Variants in TMEM117 observed in about 807,000 individuals in gnomAD.
TMEM117 encodes transmembrane protein 117.
A neutral mutation model predicts 52.4 loss-of-function variants in TMEM117; 27 were observed. That is an observed-to-expected ratio of 0.51 (90% confidence interval 0.38 to 0.71). TMEM117 has a LOEUF of 0.71. Among genes scored for constraint, TMEM117 ranks in the 30% least tolerant of loss-of-function variants. The pLI, the probability that TMEM117 is intolerant of heterozygous loss-of-function variation, is 0.00. For missense variants in TMEM117, 556 were observed against 630.5 expected (o/e 0.88, Z 1.26); for synonymous variants, 215 against 206.3 (o/e 1.04, Z -0.36).
the TMEM117 span, among the ~76,000 whole-genome samples, chr12:43,827,957 C>T: frequency 2.0e-5 from 3 of 152,060 alleles, no homozygotes; most frequent in African/African-American, 7.3e-5. Flanking sequence ...TGGAGTGATG[C>T]GTCTGCAAGT....
the TMEM117 span, among the ~76,000 whole-genome samples, chr12:43,826,683 T>G: frequency 6.6e-6 from 1 of 152,198 alleles, no homozygotes; most frequent in Non-Finnish European, 1.5e-5. Flanking sequence ...CCTTACTTTA[T>G]AGACTTGGAA....
intron 6 of TMEM117, among the ~76,000 whole-genome samples, chr12:44,366,381 T>C (rs1312383254): frequency 2.0e-5 from 3 of 152,074 alleles, no homozygotes; most frequent in African/African-American, 4.8e-5. Context: ...AGGAAAGTAA[T>C]GTATTTTAGA....
chr12:43,882,770 A>T (rs1302516484), intron 2 of TMEM117, among the ~76,000 whole-genome samples: 1 of 152,232 alleles, frequency 6.6e-6, no homozygotes, highest in Non-Finnish European at 1.5e-5. Flanking sequence ...TTCTGGTGGT[A>T]TATACTGAAC....
chr12:44,171,361 A>C (rs1204071082), intron 4 of TMEM117, among the ~76,000 whole-genome samples: 1 of 152,162 alleles, frequency 6.6e-6, no homozygotes, highest in Non-Finnish European at 1.5e-5. Flanking sequence ...ACTTACACAA[A>C]TATCCTATTT....
At chr12:44,016,817 T>A (rs924997121) in intron 3 of TMEM117, among the ~76,000 whole-genome samples, 5 of 152,218 alleles carry the variant, frequency 3.3e-5, no homozygotes, top group Admixed American at 2.0e-4. Context: ...TTAGGTTGCA[T>A]CAGTATCACC....
chr12:44,155,066 ATC>A (rs972461294), intron 4 of TMEM117, among the ~76,000 whole-genome samples: 7 of 152,098 alleles, frequency 4.6e-5, no homozygotes, highest in Non-Finnish European at 8.8e-5. Flanking sequence ...TAAGATAATC[ATC>A]TCTTTCCTCC....
chr12:44,336,013 A>G (rs1951336344), intron 6 of TMEM117, among the ~76,000 whole-genome samples: 1 of 152,080 alleles, frequency 6.6e-6, no homozygotes, highest in Non-Finnish European at 1.5e-5. Context: ...AACAGAATCA[A>G]TTTAGGATGT....
intron 2 of TMEM117, among the ~76,000 whole-genome samples, chr12:43,940,221 A>G (rs1422683871): frequency 1.3e-5 from 2 of 152,130 alleles, no homozygotes; most frequent in East Asian, 3.9e-4. Context: ...GGTCTATCTG[A>G]TCCCTGCTTT....
intron 3 of TMEM117, among the ~76,000 whole-genome samples, chr12:43,981,822 G>C (rs1945765829): frequency 6.6e-6 from 1 of 152,160 alleles, no homozygotes; most frequent in Non-Finnish European, 1.5e-5. Context: ...CATAGAAGCA[G>C]AGAGTAGAAC....
chr12:44,396,641 G>A, the TMEM117 span, among the ~76,000 whole-genome samples: 4 of 152,072 alleles, frequency 2.6e-5, no homozygotes, highest in African/African-American at 9.7e-5. Context: ...ATCACTTAAG[G>A]TCAGGAGTTC....
intron 3 of TMEM117, among the ~76,000 whole-genome samples, chr12:43,994,437 G>A (rs1945995306): frequency 6.6e-6 from 1 of 152,106 alleles, no homozygotes; most frequent in Non-Finnish European, 1.5e-5. Flanking sequence ...TTTAAGCCTA[G>A]CATTTGATGA....
At chr12:44,352,430 T>G (rs1018702671) in intron 6 of TMEM117, among the ~76,000 whole-genome samples, 2 of 152,136 alleles carry the variant, frequency 1.3e-5, no homozygotes, top group Non-Finnish European at 2.9e-5. Context: ...TATCTCCTAA[T>G]GCTATCCCTC....
chr12:44,206,256 C>T (rs963377377), intron 4 of TMEM117, among the ~76,000 whole-genome samples: 1 of 152,210 alleles, frequency 6.6e-6, no homozygotes, highest in Non-Finnish European at 1.5e-5. Flanking sequence ...ACAGCTCGCT[C>T]ATGCTATTGT....
At chr12:43,824,857 C>T in the TMEM117 span, among the ~76,000 whole-genome samples, 6 of 152,174 alleles carry the variant, frequency 3.9e-5, no homozygotes, top group Non-Finnish European at 5.9e-5. Flanking sequence ...ACCCGGGAGG[C>T]GAAGCTTGCA....
chr12:43,964,471 T>C (rs145798006), intron 3 of TMEM117, among the ~76,000 whole-genome samples: 25 of 152,320 alleles, frequency 1.6e-4, no homozygotes, highest in African/African-American at 6.0e-4. Flanking sequence ...AAAATTCTTC[T>C]CCACCTTCTA....
chr12:43,836,947 A>G (rs1221330562), intron 1 of TMEM117, among the ~76,000 whole-genome samples: 1 of 152,226 alleles, frequency 6.6e-6, no homozygotes, highest in Non-Finnish European at 1.5e-5. Flanking sequence ...CTGAAATCCA[A>G]GGAAGGACTT....
intron 3 of TMEM117, among the ~76,000 whole-genome samples, chr12:43,991,776 C>T (rs1223197660): frequency 6.6e-6 from 1 of 152,018 alleles, no homozygotes; most frequent in African/African-American, 2.4e-5. Flanking sequence ...ATTTTGTTTT[C>T]CATACTATCA....
At chr12:44,144,879 C>T (rs1408883907) in intron 4 of TMEM117, among the ~76,000 whole-genome samples, 2 of 152,110 alleles carry the variant, frequency 1.3e-5, no homozygotes, top group South Asian at 2.1e-4. Context: ...TTTTCTGGGC[C>T]GGGCGCGGTG....
intron 5 of TMEM117, among the ~76,000 whole-genome samples, chr12:44,241,355 A>G (rs1950059516): frequency 6.6e-6 from 1 of 151,894 alleles, no homozygotes. Flanking sequence ...ACAGTATAAT[A>G]TCAAAATTTT....
Sources: gnomAD v4.1 joint callset for allele counts (sites outside exome capture counted in the v4.1 genomes callset) on GRCh38, gnomAD v4.1.1 for gene constraint, MANE v1.5 for transcripts, NCBI Gene and HGNC (gene_info 2026-07-23, HGNC 2026-07-21) for gene names.